Variants in SLX4IP observed in about 807,000 individuals in gnomAD.
The protein encoded by SLX4IP is SLX4 interacting protein.
In SLX4IP, 34 loss-of-function variants were observed where a neutral mutation model predicts 32.9. The observed-to-expected ratio is 1.03, with a 90% CI of 0.79 to 1.38. The LOEUF (loss-of-function observed/expected upper bound fraction) is 1.38, where lower values mean the gene tolerates loss of function less well. SLX4IP is among the 40% of genes most tolerant of loss of function. SLX4IP has a pLI of 0.00. For synonymous variants in SLX4IP, 172 were observed against 171.7 expected, an observed-to-expected ratio of 1.00 and a Z score of -0.01; for missense variants, 444 against 479.0, an observed-to-expected ratio of 0.93 and a Z score of 0.68.
At chr20:10,454,003 T>C (rs1035083820) in intron 1 of SLX4IP, among the ~76,000 whole-genome samples, 6 of 152,206 alleles carry the variant, frequency 3.9e-5, no homozygotes, top group Admixed American at 6.5e-5. Flanking sequence ...TCTTTTTTTG[T>C]TGCTGTCATT....
chr20:10,569,939 G>T lies in SLX4IP; in HGVS notation c.238+9119G>T, dbSNP rs2066443162. On this transcript the variant is annotated intron_variant, in intron 4 of 7. Coordinates refer to ENST00000334534, the MANE Select transcript of SLX4IP (RefSeq NM_001009608.3). ...AAATATAGTCACATCCTGAGGTACT[G>T]GGAGTTAGGACTTCAACATATGAAT... Among the ~76,000 whole-genome samples the T allele has an allele frequency of 2.0e-5, 3 of 152,204 alleles. 1 individual carries two copies. The South Asian group carries it at 6.2e-4, about 31-fold the overall frequency.
chr20:10,501,781 G>A (rs1302049839), intron 2 of SLX4IP, among the ~76,000 whole-genome samples: 1 of 152,212 alleles, frequency 6.6e-6, no homozygotes, highest in African/African-American at 2.4e-5. Flanking sequence ...AGAAAAGTTC[G>A]TGTCAAAATG....
intron 4 of SLX4IP, among the ~76,000 whole-genome samples, chr20:10,589,051 G>A (rs2066677155): frequency 6.6e-6 from 1 of 152,082 alleles, no homozygotes; most frequent in South Asian, 2.1e-4. Context: ...TACCTTAAAT[G>A]TATACAACTT....
intron 2 of SLX4IP, among the ~76,000 whole-genome samples, chr20:10,529,313 G>A (rs571245282): frequency 6.6e-6 from 1 of 152,068 alleles, no homozygotes; most frequent in Non-Finnish European, 1.5e-5. Flanking sequence ...TCTGGACCAG[G>A]CGCGGTGGCT....
rs2067159510 is a variant in SLX4IP, at chr20:10,625,231, C to G, written c.*1852C>G. 1 of 152,218 alleles carries G rather than the reference C, an allele frequency of 6.6e-6. No homozygotes were observed. The highest frequency in any genetic ancestry group is 6.5e-5 in the Admixed American group (1 of 15,280). 9.4% of individuals were successfully genotyped at this position (152,218 alleles called of 1,614,324 possible). Reference sequence around the variant, plus strand: ...TATTTTAGGTGTGCTCTTTATTGAACACAGGACCACAGTGTGTCACTGAAT... The same window carrying G: ...TATTTTAGGTGTGCTCTTTATTGAAGACAGGACCACAGTGTGTCACTGAAT... On this transcript the variant is annotated 3_prime_UTR_variant, in exon 8 of 8. Transcript: ENST00000334534.
chr20:10,576,527 C>T (rs1466558470), intron 4 of SLX4IP, among the ~76,000 whole-genome samples: 2 of 152,166 alleles, frequency 1.3e-5, no homozygotes, highest in Non-Finnish European at 2.9e-5. Context: ...GAAACTTGGC[C>T]TGATCTGTTT....
At chr20:10,490,971 G>C (rs622293) in intron 2 of SLX4IP, among the ~76,000 whole-genome samples, 39,748 of 151,830 alleles carry the variant, frequency 0.26, 5,231 homozygotes, top group Admixed American at 0.29. Context: ...ATTGAAGCAA[G>C]CTACTTGTAA....
At chr20:10,512,669 ATATT>A (rs898954770) in intron 2 of SLX4IP, among the ~76,000 whole-genome samples, 1 of 141,684 alleles carries the variant, frequency 7.1e-6, no homozygotes, top group Admixed American at 7.3e-5. Flanking sequence ...TATAGTATAT[ATATT>A]GTGTATATAT....
chr20:10,490,314 C>G (rs1568706861), intron 2 of SLX4IP, among the ~76,000 whole-genome samples: 3 of 151,918 alleles, frequency 2.0e-5, no homozygotes, highest in Non-Finnish European at 1.5e-5. Context: ...ATTTCCGGGT[C>G]TGTCCCAGAA....
intron 4 of SLX4IP, among the ~76,000 whole-genome samples, chr20:10,591,139 T>TA (rs1220914329): frequency 6.6e-6 from 1 of 152,190 alleles, no homozygotes; most frequent in East Asian, 1.9e-4. Flanking sequence ...CTTTTCCTGT[T>TA]ACCTGTCTTA....
chr20:10,565,021 G>GT (rs1370660982), intron 4 of SLX4IP, among the ~76,000 whole-genome samples: 3 of 151,990 alleles, frequency 2.0e-5, no homozygotes, highest in African/African-American at 7.2e-5. Flanking sequence ...TAGGTTTGTG[G>GT]TTTTTGCCTT....
chr20:10,452,680 A>ATATATATATATATATATATATATATATAT (rs1555805196), intron 1 of SLX4IP, among the ~76,000 whole-genome samples: 4 of 109,516 alleles, frequency 3.7e-5, no homozygotes, highest in African/African-American at 1.4e-4. Context: ...AAAAAAAAAA[A>ATATATATATATATATATATATATATATAT]ATATATATAT....
intron 2 of SLX4IP, among the ~76,000 whole-genome samples, chr20:10,489,604 C>G (rs2065603245): frequency 6.6e-6 from 1 of 152,132 alleles, no homozygotes; most frequent in African/African-American, 2.4e-5. Context: ...CCTTTTATAC[C>G]TTCTTGCTCT....
chr20:10,589,545 A>T (rs2066682497), intron 4 of SLX4IP, among the ~76,000 whole-genome samples: 1 of 152,190 alleles, frequency 6.6e-6, no homozygotes. Context: ...CTAGTGGAAT[A>T]AAGTGAGTCA....
At chr20:10,583,507 G>A (rs937338723) in intron 4 of SLX4IP, among the ~76,000 whole-genome samples, 3 of 152,142 alleles carry the variant, frequency 2.0e-5, no homozygotes, top group African/African-American at 4.8e-5. Flanking sequence ...AATGTCCTCT[G>A]GAATTTCCCA....
intron 4 of SLX4IP, among the ~76,000 whole-genome samples, chr20:10,575,664 G>A (rs1265611367): frequency 6.6e-6 from 1 of 151,556 alleles, no homozygotes; most frequent in East Asian, 1.9e-4. Context: ...TGTTTCTCAA[G>A]AATTTCAGGT....
At chr20:10,586,314 A>C (rs575516853) in intron 4 of SLX4IP, among the ~76,000 whole-genome samples, 168 of 152,350 alleles carry the variant, frequency 1.1e-3, no homozygotes, top group Middle Eastern at 0.01. Context: ...CAGTATGGGC[A>C]GGGGGCTTTC....
At chr20:10,499,250 A>ACC (rs2065696201) in intron 2 of SLX4IP, among the ~76,000 whole-genome samples, 1 of 152,158 alleles carries the variant, frequency 6.6e-6, no homozygotes, top group Non-Finnish European at 1.5e-5. Context: ...TTTGAACTTT[A>ACC]CTTACAATAA....
At position 10,560,693 on chromosome 20, in the gene SLX4IP, G is replaced by T; in HGVS notation, c.118-7G>T. 2 of 1,560,070 alleles carry T rather than the reference G, an allele frequency of 1.3e-6. No individual in the cohort carries two copies. Among genetic ancestry groups the T allele is most frequent in the South Asian group, 1.2e-5 (1 of 82,022 alleles). ...GAAGGTTATATCTAATTTTTTATTTGCTTTAGGAAGTCTGTTTACTGTTAA... is the reference window on the plus strand; with the variant it reads ...GAAGGTTATATCTAATTTTTTATTTTCTTTAGGAAGTCTGTTTACTGTTAA... On this transcript the variant is annotated splice_polypyrimidine_tract_variant and splice_region_variant and intron_variant, in intron 3 of 7. Transcript: ENST00000334534.
Sources: allele counts gnomAD v4.1 joint callset (sites outside exome capture counted in the v4.1 genomes callset), GRCh38; gene constraint gnomAD v4.1.1; transcripts MANE v1.5; gene names NCBI Gene and HGNC (gene_info 2026-07-23, HGNC 2026-07-21).